ING5: variants seen among roughly 807,000 people sequenced by gnomAD.
ING5 encodes inhibitor of growth protein 5.
A neutral mutation model predicts 37.4 loss-of-function variants in ING5; 17 were observed. The observed-to-expected ratio is 0.45, with a 90% CI of 0.31 to 0.68. ING5 has a LOEUF of 0.68. Among genes scored for constraint, ING5 ranks in the 30% least tolerant of loss-of-function variants. The pLI, the probability that ING5 is intolerant of heterozygous loss-of-function variation, is 0.05. For synonymous variants in ING5, 123 were observed against 116.6 expected (o/e 1.06, Z -0.36); for missense variants, 233 against 311.9 (o/e 0.75, Z 1.91).
At chr2:241,697,784 T>C (rs570418369), upstream of ING5, among the ~76,000 whole-genome samples, 22 of 152,246 alleles carry the variant, frequency 1.4e-4, no homozygotes, top group African/African-American at 5.3e-4. Flanking sequence ...TGTCAAAACC[T>C]ATAAGAATGC....
At chr2:241,691,265 A>C (rs62191297) in intron 2 of ING5, among the ~76,000 whole-genome samples, 79,919 of 151,322 alleles carry the variant, frequency 0.53, 21,339 homozygotes, top group Admixed American at 0.61. Context: ...ATGGTGAAAC[A>C]CCGTCTCTAC....
At position 241,716,786 on chromosome 2, in the gene ING5, A is replaced by C. The variant is rs143173279; in HGVS notation, c.482+4715A>C. Among the ~76,000 whole-genome samples, 63 of 152,298 alleles carry C rather than the reference A, an allele frequency of 4.1e-4. No homozygotes were observed. In the East Asian group the frequency reaches 0.012, roughly 29 times the overall value. ...CCAGCACGTTATTACCTTAGATGCA[A>C]ACCACTGATGACGTGAAACACGCCT... On this transcript the variant is annotated intron_variant, in intron 5 of 7. Transcript: ENST00000313552.
In ING5 at chr2:241,711,436, G is replaced by A. The variant is rs770828946; in HGVS notation, c.336G>A (p.Lys112=). ...TGGCGCGCTTTGAAGCAGATCTGAAGGACAAGATGGAGGGCAGTGATTTTG... is the reference window on the plus strand; with the variant it reads ...TGGCGCGCTTTGAAGCAGATCTGAAAGACAAGATGGAGGGCAGTGATTTTG... ...ADLARFEADL[K]DKMEGSDFES... The change falls in exon 4 of 8, where the codon AAG becomes AAA. Residue 112 remains lysine, a synonymous_variant. Transcript: ENST00000313552. The A allele has an allele frequency of 3.1e-6, 5 of 1,604,656 alleles. No individual in the cohort carries two copies. The African/African-American group carries it at 6.7e-5, about 22-fold the overall frequency.
At chr2:241,697,190 C>T (rs974828928), upstream of ING5, among the ~76,000 whole-genome samples, 3 of 151,926 alleles carry the variant, frequency 2.0e-5, no homozygotes, top group Admixed American at 6.6e-5. Context: ...AATCCTAGCA[C>T]TTTGGGAGGC....
At chr2:241,701,961 T>G, upstream of ING5, 1 of 724,218 alleles carries the variant, frequency 1.4e-6, no homozygotes, top group Non-Finnish European at 1.9e-6. Context: ...GCGCGACCAA[T>G]CAGCGCGCGC....
Position 241,712,046 on chromosome 2 carries a change from C to G in ING5, c.457C>G (p.Pro153Ala), listed in dbSNP as rs1244784166. 6.2e-7 allele frequency: 1 copy of G among 1,611,688 alleles called. No homozygotes were observed. The highest frequency in any genetic ancestry group is 8.5e-7 in the Non-Finnish European group (1 of 1,179,032). The stretch of plus-strand genomic sequence containing the variant: ...CAGGAGGACATCAGAGGAAGACACA[C>G]CAAAGAAAAAGAAGCACAAAGGAGG... ...RGRRTSEEDT[P>A]KKKKHKGGSE... Residue 153 changes from proline to alanine, a missense_variant, in exon 5 of 8, where the codon CCA becomes GCA. Pro to Ala is a conservative substitution (Grantham distance 27, BLOSUM62 -1). Coordinates refer to ENST00000313552, the MANE Select transcript of ING5 (RefSeq NM_032329.6).
At chr2:241,689,125 T>G (rs1033137532) in intron 1 of ING5, among the ~76,000 whole-genome samples, 1 of 151,626 alleles carries the variant, frequency 6.6e-6, no homozygotes, top group African/African-American at 2.4e-5. Context: ...TTTAATTTTT[T>G]TTTTGAGACG....
rs1169123848 is a variant in ING5, at chr2:241,702,045, C to G, written c.-21C>G. ...CGGCACCGCCCGCCCGCGCAGACCC[C>G]GAGCGCGGCCGCGGACGAAGATGGC... is the stretch of plus-strand genomic sequence containing the variant. On this transcript the variant is annotated 5_prime_UTR_variant, in exon 1 of 8. Transcript: ENST00000313552. 2.2e-6 allele frequency: 3 copies of G among 1,381,396 alleles called. No homozygotes were observed. The highest frequency in any genetic ancestry group is 2.8e-6 in the Non-Finnish European group (3 of 1,062,940). The allele number at this position is 1,381,396 out of a possible 1,614,324, so 85.6% of individuals were successfully genotyped here. A position where few individuals can be genotyped will look rare whatever the true frequency, so the allele number is the denominator to read the frequency against.
chr2:241,697,356 A>ACC (rs1300764482), upstream of ING5, among the ~76,000 whole-genome samples: 3 of 145,476 alleles, frequency 2.1e-5, no homozygotes, highest in Admixed American at 2.1e-4. Flanking sequence ...AATGGCATGA[A>ACC]CCCGGGAGGC....
At chr2:241,715,804 T>A (rs1227421837) in intron 5 of ING5, among the ~76,000 whole-genome samples, 1 of 150,806 alleles carries the variant, frequency 6.6e-6, no homozygotes, top group Non-Finnish European at 1.5e-5. Context: ...TTTTTTTTCA[T>A]GCTACTTCTT....
intron 5 of ING5, 76 bp from the exon 6 acceptor site, chr2:241,722,863 A>C: frequency 1.9e-6 from 3 of 1,588,628 alleles, no homozygotes; most frequent in East Asian, 2.2e-5. Flanking sequence ...AGTCAGAGAC[A>C]GAAGGGCCCG....
At chr2:241,688,711 C>T (rs34836619) in intron 1 of ING5, among the ~76,000 whole-genome samples, 60,417 of 151,874 alleles carry the variant, frequency 0.4, 12,108 homozygotes, top group Middle Eastern at 0.49. Flanking sequence ...GCACCCTCCA[C>T]CTCCCGGGTT....
intron 7 of ING5, chr2:241,723,943 G>A (rs765614456): frequency 2.4e-5 from 30 of 1,273,584 alleles, no homozygotes; most frequent in African/African-American, 5.9e-5. Flanking sequence ...CTGGAAGTCC[G>A]AGGCTTCAGT....
chr2:241,689,121 T>G (rs998451751), intron 1 of ING5, among the ~76,000 whole-genome samples: 1 of 53,702 alleles, frequency 1.9e-5, no homozygotes, highest in Non-Finnish European at 4.5e-5. Context: ...TTAATTTAAT[T>G]TTTTTTTTGA....
chr2:241,688,376 G>A (rs2069486286), intron 1 of ING5, among the ~76,000 whole-genome samples: 1 of 152,170 alleles, frequency 6.6e-6, no homozygotes, highest in South Asian at 2.1e-4. Context: ...AGTTTGCATT[G>A]GTTTTTTCCC....
chr2:241,713,367 G>GTTTT lies in ING5; in HGVS notation c.482+1314_482+1317dup, dbSNP rs1166786436. On this transcript the variant is annotated intron_variant, in intron 5 of 7. Coordinates refer to ENST00000313552, the MANE Select transcript of ING5 (RefSeq NM_032329.6). ...GCCATCACACCCGACCCAATTTTCAGTTTTTTTTTTTTTTTTTTTTTGAGA... is the reference window on the plus strand; with the variant it reads ...GCCATCACACCCGACCCAATTTTCAGTTTTTTTTTTTTTTTTTTTTTTTTTGAGA... Among the ~76,000 whole-genome samples the GTTTT allele has an allele frequency of 5.7e-3, 587 of 102,310 alleles. 20 individuals are homozygous for GTTTT. The highest frequency in any genetic ancestry group is 0.022 in the African/African-American group (554 of 25,128). 67.1% of individuals were successfully genotyped at this position (102,310 alleles called of 152,430 possible).
chr2:241,691,449 A>C (rs75447999), intron 2 of ING5, among the ~76,000 whole-genome samples: 79,654 of 151,170 alleles, frequency 0.53, 21,237 homozygotes, highest in Admixed American at 0.61. Context: ...AAAAAAAAAA[A>C]ACAAAAACAA....
chr2:241,718,519 C>T lies in ING5; in HGVS notation c.483-4420C>T, dbSNP rs113649532. Among the ~76,000 whole-genome samples, 132 of 150,598 alleles carry T rather than the reference C, an allele frequency of 8.8e-4. 1 individual carries two copies. The highest frequency in any genetic ancestry group is 3.0e-3 in the African/African-American group (121 of 40,988). On this transcript the variant is annotated intron_variant, in intron 5 of 7. Transcript: ENST00000313552. Reference sequence around the variant, plus strand: ...GCAAGCTCCGCCTCCCAAGTTCAAGCGATTCTCTGCCTCAGCCTCCCAAGT... The same window carrying T: ...GCAAGCTCCGCCTCCCAAGTTCAAGTGATTCTCTGCCTCAGCCTCCCAAGT...
At chr2:241,691,698 A>T (rs2069559451) in intron 2 of ING5, among the ~76,000 whole-genome samples, 1 of 152,116 alleles carries the variant, frequency 6.6e-6, no homozygotes, top group Admixed American at 6.6e-5. Context: ...AGCAAAGAGA[A>T]TGCTCTGGTA....
Sources: allele counts gnomAD v4.1 joint callset (sites outside exome capture counted in the v4.1 genomes callset), GRCh38; gene constraint gnomAD v4.1.1; transcripts MANE v1.5; gene names NCBI Gene and HGNC (gene_info 2026-07-23, HGNC 2026-07-21).